BSCL2: variants seen among roughly 807,000 people sequenced by gnomAD.
BSCL2 encodes seipin.
Under a neutral mutation model 57.4 loss-of-function variants are expected in BSCL2, and 41 were observed. The ratio of observed to expected loss-of-function variants is 0.71; its 90% CI spans 0.56 to 0.93. The LOEUF (loss-of-function observed/expected upper bound fraction) is 0.93. Among genes scored for constraint, BSCL2 ranks in the 40% least tolerant of loss-of-function variants. The pLI is 0.00. For synonymous variants in BSCL2, 237 were observed against 227.3 expected (o/e 1.04, Z -0.38); for missense variants, 539 against 586.7 (o/e 0.92, Z 0.84).
At chr11:62,706,170 CTCGG>C in intron 1 of BSCL2, 1 of 1,032,710 alleles carries the variant, frequency 9.7e-7, no homozygotes, top group Non-Finnish European at 1.2e-6. Context: ...TCCCCTCCAG[CTCGG>C]GGGTGGGCAA....
chr11:62,697,949 C>T (rs1371185327), intron 3 of BSCL2, among the ~76,000 whole-genome samples: 3 of 150,534 alleles, frequency 2.0e-5, no homozygotes, highest in Non-Finnish European at 4.4e-5. Context: ...GCTCTGTCGC[C>T]CAGGCTGGAG....
intron 2 of BSCL2, among the ~76,000 whole-genome samples, chr11:62,703,518 A>T (rs1377433165): frequency 2.0e-5 from 3 of 150,550 alleles, no homozygotes; most frequent in African/African-American, 7.3e-5. Flanking sequence ...ACGCCCGGCT[A>T]ATTTTTTTAT....
Position 62,692,673 on chromosome 11 carries a change from C to T in BSCL2, c.755G>A (p.Arg252Lys). The T allele has an allele frequency of 6.2e-7, 1 of 1,614,104 alleles. No individual in the cohort carries two copies. The highest frequency in any genetic ancestry group is 1.1e-5 in the South Asian group (1 of 91,078). The change falls in exon 5 of 11, where the codon AGA becomes AAA. Residue 252 changes from arginine to lysine, a missense_variant. Arg to Lys is a conservative substitution (Grantham distance 26). This residue lies in a region of BSCL2 where 73 missense variants were observed against 122.0 expected (regional missense o/e 0.60). Transcript: ENST00000360796. ...LLEVELYADY[R>K]ENSYVPTTGA... is the part of the protein sequence containing the mutation. ...GTTCACCTCACTCACCGAGTTCTCT[C>T]TATAGTCTGCGTAGAGTTCCACCTC...
chr11:62,706,983 G>T, intron 1 of BSCL2, 126 bp downstream of exon 1: 2 of 807,544 alleles, frequency 2.5e-6, no homozygotes, highest in Non-Finnish European at 4.0e-6. Flanking sequence ...ACACTGCTGC[G>T]GGCGTGGGAA....
chr11:62,693,099 T>C (rs2134697339), intron 4 of BSCL2, among the ~76,000 whole-genome samples: 1 of 152,306 alleles, frequency 6.6e-6, no homozygotes, highest in South Asian at 2.1e-4. Context: ...TGTAATCCAG[T>C]ATGGGATCTA....
chr11:62,708,585 C>G (rs1042190405), upstream of BSCL2: 16 of 1,556,096 alleles, frequency 1.0e-5, no homozygotes, highest in Admixed American at 2.9e-4. Flanking sequence ...GTAAGGAGCC[C>G]TGGAGATGGC....
rs199567191 is a variant in BSCL2, at chr11:62,694,554, C to T, written c.630+14G>A. ...CTTCCTCCACACCTTCTCAGACAGGCCACCAACACTTACCGAACGCGAAGA... is the reference window on the plus strand; with the variant it reads ...CTTCCTCCACACCTTCTCAGACAGGTCACCAACACTTACCGAACGCGAAGA... On this transcript the variant is annotated intron_variant, in intron 4 of 10. Coordinates refer to ENST00000360796, the MANE Select transcript of BSCL2 (RefSeq NM_001122955.4). 6.2e-7 allele frequency: 1 copy of T among 1,613,846 alleles called. No individual in the cohort carries two copies. Among genetic ancestry groups the T allele is most frequent in the Admixed American group, 1.7e-5 (1 of 59,964 alleles).
At chr11:62,708,627 A>T (rs747023945), upstream of BSCL2, 1 of 1,604,780 alleles carries the variant, frequency 6.2e-7, no homozygotes, top group East Asian at 2.2e-5. Context: ...GGGAGGCTGC[A>T]GTCCCCTTCA....
At chr11:62,709,282 C>A (rs1423839077), upstream of BSCL2, 4 of 454,228 alleles carry the variant, frequency 8.8e-6, no homozygotes, top group African/African-American at 2.0e-5. Flanking sequence ...AAGGGCCAAT[C>A]AATGCAGGCT....
upstream of BSCL2, chr11:62,708,888 A>C (rs2083586900): frequency 9.4e-7 from 1 of 1,062,348 alleles, no homozygotes; most frequent in Admixed American, 1.9e-5. Context: ...TGAGCCCCTT[A>C]GGCTCCTTGC....
chr11:62,691,358 G>A lies in BSCL2; in HGVS notation c.927C>T (p.Phe309=), dbSNP rs1346512157. 1.2e-5 allele frequency: 19 copies of A among 1,614,234 alleles called. No individual in the cohort carries two copies. The highest frequency in any genetic ancestry group is 1.6e-5 in the Non-Finnish European group (19 of 1,180,038). The change falls in exon 7 of 11, where the codon TTC becomes TTT. Residue 309 remains phenylalanine (F), a synonymous_variant. Transcript: ENST00000360796. ...AFIGVASNFT[F]LSVIVLFSYM... ...AGCTGAAGAGCACGATGACGCTGAG[G>A]AAGGTGAAGTTGCTGGCAACACCTA...
chr11:62,692,450 G>A lies in BSCL2; in HGVS notation c.789C>T (p.Ile263=), dbSNP rs756278107. ...ENSYVPTTGA[I]IEIHSKRIQL... ...GGATGCGCTTGCTGTGGATCTCAAT[G>A]ATCGCTCCAGTGGTCGGCACGTACT... is the stretch of plus-strand genomic sequence containing the variant. Residue 263 remains isoleucine, a synonymous_variant, in exon 6 of 11, where the codon ATC becomes ATT. Transcript: ENST00000360796. 11 of 1,614,060 alleles carry A rather than the reference G, an allele frequency of 6.8e-6. No homozygotes were observed. The highest frequency in any genetic ancestry group is 9.3e-6 in the Non-Finnish European group (11 of 1,180,028).
chr11:62,700,719 G>A (rs482316), intron 3 of BSCL2, among the ~76,000 whole-genome samples: 108,508 of 152,084 alleles, frequency 0.71, 39,620 homozygotes, highest in Admixed American at 0.81. Context: ...TTTGGAGGCC[G>A]AGGTGGGTGG....
intron 2 of BSCL2, 135 bp downstream of exon 2, chr11:62,705,166 G>C: frequency 1.0e-6 from 1 of 957,574 alleles, no homozygotes; most frequent in African/African-American, 1.6e-5. Flanking sequence ...CTTGGGCTGT[G>C]AAAGTTGAGA....
rs765501396 is a variant in BSCL2 at position 62,694,541 on chromosome 11, C to T, written c.630+27G>A. 3 of 1,613,840 alleles carry T rather than the reference C, an allele frequency of 1.9e-6. No individual in the cohort carries two copies. In the South Asian group the frequency reaches 3.3e-5, roughly 18 times the overall value. On this transcript the variant is annotated intron_variant, in intron 4 of 10. Coordinates refer to ENST00000360796, the MANE Select transcript of BSCL2 (RefSeq NM_001122955.4). ...CTGATCCTGCCATCTTCCTCCACAC[C>T]TTCTCAGACAGGCCACCAACACTTA... is the stretch of plus-strand genomic sequence containing the variant.
chr11:62,699,031 G>C (rs543345878), intron 3 of BSCL2, among the ~76,000 whole-genome samples: 13 of 150,568 alleles, frequency 8.6e-5, no homozygotes, highest in African/African-American at 2.9e-4. Flanking sequence ...TCAGCCTCCA[G>C]AGTAGCTGGG....
intron 4 of BSCL2, among the ~76,000 whole-genome samples, chr11:62,694,066 G>A (rs1327236864): frequency 2.0e-5 from 3 of 151,764 alleles, no homozygotes; most frequent in Admixed American, 1.3e-4. Context: ...TACCCGCCTC[G>A]GCCTCCCAGA....
chr11:62,706,105 G>T, intron 1 of BSCL2: 1 of 577,990 alleles, frequency 1.7e-6, no homozygotes, highest in Non-Finnish European at 2.3e-6. Context: ...TCACCGACAC[G>T]GCTACACCCC....
At chr11:62,708,645 T>TGCAA, upstream of BSCL2, 1 of 1,611,410 alleles carries the variant, frequency 6.2e-7, no homozygotes, top group Non-Finnish European at 8.5e-7. Flanking sequence ...TCAGAGGTCC[T>TGCAA]GGCTAACAAT....
Sources: allele counts gnomAD v4.1 joint callset (sites outside exome capture counted in the v4.1 genomes callset), GRCh38; gene constraint gnomAD v4.1.1; regional missense constraint gnomAD v4.1.1; transcripts MANE v1.5; gene names NCBI Gene and HGNC (gene_info 2026-07-23, HGNC 2026-07-21).